The following INPP4B variants were observed in gnomAD, a reference collection of about 807,000 sequenced individuals.
The protein encoded by INPP4B is inositol polyphosphate-4-phosphatase type II B, also known as inositol polyphosphate 4-phosphatase type II.
A neutral mutation model predicts 122.5 loss-of-function variants in INPP4B; 55 were observed. The ratio of observed to expected loss-of-function variants is 0.45; its 90% CI spans 0.36 to 0.56. The LOEUF is 0.56. INPP4B is among the 20% of genes least tolerant of loss of function. The pLI is 0.00. For synonymous variants in INPP4B, 403 were observed against 388.7 expected (o/e 1.04, Z -0.43); for missense variants, 1,000 against 1,097.7 (o/e 0.91, Z 1.26).
chr4:142,312,613 T>C (rs1301620843), intron 8 of INPP4B, among the ~76,000 whole-genome samples: 1 of 152,134 alleles, frequency 6.6e-6, no homozygotes, highest in Non-Finnish European at 1.5e-5. Context: ...ATTTCTTCCA[T>C]GTGGGATGGC....
At chr4:142,747,001 C>T (rs1280761522) in intron 1 of INPP4B, among the ~76,000 whole-genome samples, 4 of 152,070 alleles carry the variant, frequency 2.6e-5, no homozygotes, top group African/African-American at 9.7e-5. Flanking sequence ...GCAATGGCAA[C>T]AAAAGCCAAA....
intron 15 of INPP4B, among the ~76,000 whole-genome samples, chr4:142,191,247 T>C (rs3113520): frequency 1 from 151,780 of 152,254 alleles, 75,654 homozygotes; most frequent in Middle Eastern, 1. Flanking sequence ...TTTCTTGCCT[T>C]CTATAATGTC....
Position 142,431,182 on chromosome 4 carries a change from G to C in INPP4B, c.78C>G (p.Asp26Glu). The stretch of plus-strand genomic sequence containing the variant: ...ACACATACTTACTTGTGAACTGACA[G>C]TCCCCGGGATCATTGGCCTGGGCTG... ...LPTAQANDPGDCQFTSIQKTP... is the reference protein window; with the variant it reads ...LPTAQANDPGECQFTSIQKTP... Residue 26 changes from aspartate (D) to glutamate (E), a missense_variant, in exon 4 of 26, where the codon GAC becomes GAG. Asp to Glu is a conservative substitution (Grantham distance 45, BLOSUM62 2). Coordinates refer to ENST00000262992, the MANE Select transcript of INPP4B (RefSeq NM_001101669.3). The C allele has an allele frequency of 6.2e-7, 1 of 1,612,742 alleles. No homozygotes were observed. Among genetic ancestry groups the C allele is most frequent in the Non-Finnish European group, 8.5e-7 (1 of 1,179,006 alleles).
At chr4:142,122,082 GACATGTC>G (rs765715008) in intron 21 of INPP4B, 39 bp downstream of exon 21, 1 of 1,208,570 alleles carries the variant, frequency 8.3e-7, no homozygotes, top group East Asian at 2.4e-5. Context: ...GAGTTAACAC[GACATGTC>G]TAACAAAGCC....
intron 2 of INPP4B, among the ~76,000 whole-genome samples, chr4:142,515,536 T>A (rs1825312181): frequency 6.6e-6 from 1 of 152,100 alleles, no homozygotes; most frequent in Non-Finnish European, 1.5e-5. Context: ...AGGGGGTGAC[T>A]AAGTCCTGCA....
chr4:142,641,299 T>C (rs1017769436), intron 2 of INPP4B, among the ~76,000 whole-genome samples: 1 of 152,174 alleles, frequency 6.6e-6, no homozygotes, highest in Non-Finnish European at 1.5e-5. Context: ...CTTTAAGTTC[T>C]AGGGTACATG....
intron 8 of INPP4B, among the ~76,000 whole-genome samples, chr4:142,313,823 C>A (rs1766449189): frequency 6.6e-6 from 1 of 152,198 alleles, no homozygotes; most frequent in African/African-American, 2.4e-5. Context: ...TCTGCTTTTT[C>A]ACTAACAGCT....
chr4:142,345,481 C>T (rs1780002203), intron 7 of INPP4B, among the ~76,000 whole-genome samples: 1 of 151,942 alleles, frequency 6.6e-6, no homozygotes, highest in Non-Finnish European at 1.5e-5. Context: ...AAAGGCAGCT[C>T]TCAAATTCCA....
rs1324516997 is a variant in INPP4B, at chr4:142,720,781, C to A, written c.-191+5058G>T. Among the ~76,000 whole-genome samples, 7 of 15,948 alleles carry A rather than the reference C, an allele frequency of 4.4e-4. 1 individual carries two copies. The highest frequency in any genetic ancestry group is 9.6e-4 in the African/African-American group (4 of 4,184). 10.5% of individuals were successfully genotyped at this position (15,948 alleles called of 152,430 possible). A position where few individuals can be genotyped will look rare whatever the true frequency, so the allele number is the denominator to read the frequency against. The stretch of plus-strand genomic sequence containing the variant: ...ATATAATCTCTCTCTCTCTCTCTCT[C>A]TCTCTCTCTCTCTCTCTCTCTCTCT... On this transcript the variant is annotated intron_variant, in intron 2 of 25. Transcript: ENST00000262992.
At chr4:142,690,935 A>G (rs1421730164) in intron 2 of INPP4B, among the ~76,000 whole-genome samples, 2 of 152,150 alleles carry the variant, frequency 1.3e-5, no homozygotes, top group Non-Finnish European at 2.9e-5. Context: ...GAAGCTGATT[A>G]TAGAAAGCAA....
chr4:142,302,293 G>A (rs1178859473), intron 9 of INPP4B, among the ~76,000 whole-genome samples: 2 of 152,102 alleles, frequency 1.3e-5, no homozygotes, highest in African/African-American at 4.8e-5. Context: ...GAAGTCAAAC[G>A]TGGAAGAAAC....
chr4:142,711,846 G>A (rs191826555), intron 2 of INPP4B, among the ~76,000 whole-genome samples: 21 of 152,200 alleles, frequency 1.4e-4, no homozygotes, highest in South Asian at 2.1e-4. Flanking sequence ...CCAGGAGTTC[G>A]AGACCAGCCT....
intron 2 of INPP4B, among the ~76,000 whole-genome samples, chr4:142,724,174 C>G (rs1179409068): frequency 6.6e-6 from 1 of 152,150 alleles, no homozygotes. Flanking sequence ...TTCCCTCACC[C>G]TAAGTCTTCC....
chr4:142,686,527 G>T (rs992158465), intron 2 of INPP4B, among the ~76,000 whole-genome samples: 2 of 151,974 alleles, frequency 1.3e-5, no homozygotes, highest in Non-Finnish European at 2.9e-5. Flanking sequence ...ACAAAATACA[G>T]GGCAATAACC....
intron 12 of INPP4B, among the ~76,000 whole-genome samples, chr4:142,220,606 G>A (rs772936308): frequency 2.0e-5 from 3 of 152,144 alleles, no homozygotes; most frequent in Non-Finnish European, 4.4e-5. Flanking sequence ...CCTAGTGAGT[G>A]GCAGAGATGA....
At chr4:142,197,504 T>C (rs562908613) in intron 14 of INPP4B, among the ~76,000 whole-genome samples, 56 of 152,314 alleles carry the variant, frequency 3.7e-4, no homozygotes, top group Middle Eastern at 6.8e-3. Flanking sequence ...ATAGTTTCTA[T>C]ATTCAAATAA....
chr4:142,193,019 G>A (rs1836662917), intron 15 of INPP4B, 68 bp downstream of exon 15: 1 of 907,046 alleles, frequency 1.1e-6, no homozygotes, highest in Admixed American at 1.7e-5. Context: ...CAATCACCTT[G>A]TATATAGACT....
chr4:142,606,015 T>C (rs765137494), intron 2 of INPP4B, among the ~76,000 whole-genome samples: 7 of 151,824 alleles, frequency 4.6e-5, no homozygotes, highest in Admixed American at 3.3e-4. Context: ...AGTGGACAAA[T>C]GGATAAAGAA....
chr4:142,110,419 A>C (rs888503078), intron 22 of INPP4B, among the ~76,000 whole-genome samples: 2 of 152,120 alleles, frequency 1.3e-5, no homozygotes, highest in African/African-American at 4.8e-5. Context: ...GACTAATAGT[A>C]TTTATTTATC....
Sources: allele counts gnomAD v4.1 joint callset (sites outside exome capture counted in the v4.1 genomes callset), GRCh38; gene constraint gnomAD v4.1.1; transcripts MANE v1.5; gene names NCBI Gene and HGNC (gene_info 2026-07-23, HGNC 2026-07-21).